The following SNRPN variants were observed in gnomAD, a reference collection of about 807,000 sequenced individuals.
SNRPN encodes small nuclear ribonucleoprotein polypeptide N.
In SNRPN, 7 loss-of-function variants were observed where a neutral mutation model predicts 25.2. The observed-to-expected ratio is 0.28, with a 90% CI of 0.16 to 0.52. The LOEUF (loss-of-function observed/expected upper bound fraction) is 0.52. Among genes scored for constraint, SNRPN ranks in the 20% least tolerant of loss-of-function variants. The pLI, the probability that SNRPN is intolerant of heterozygous loss-of-function variation, is 0.96. For missense variants in SNRPN, 196 were observed against 322.5 expected (o/e 0.61, Z 3.00); for synonymous variants, 124 against 110.6 (o/e 1.12, Z -0.76).
chr15:24,845,265 C>A (rs1000009692), intron 2 of SNRPN, among the ~76,000 whole-genome samples: 1 of 152,122 alleles, frequency 6.6e-6, no homozygotes, highest in Non-Finnish European at 1.5e-5. Context: ...TATCCTTACA[C>A]CAATACCACA....
At chr15:24,918,994 C>G (rs558167469) in intron 2 of SNRPN, among the ~76,000 whole-genome samples, 13 of 104,348 alleles carry the variant, frequency 1.2e-4, no homozygotes, top group East Asian at 2.7e-4. Context: ...TATATATGTG[C>G]GCATATATAT....
intron 2 of SNRPN, among the ~76,000 whole-genome samples, chr15:24,845,901 A>G (rs2052154798): frequency 1.3e-5 from 2 of 151,932 alleles, no homozygotes; most frequent in South Asian, 4.2e-4. Flanking sequence ...TGACCAAGGC[A>G]TGGTGAAACC....
chr15:24,895,734 G>C (rs1239593142), intron 2 of SNRPN, among the ~76,000 whole-genome samples: 1 of 152,120 alleles, frequency 6.6e-6, no homozygotes, highest in Non-Finnish European at 1.5e-5. Context: ...TCCCAGCCCT[G>C]TAGCAATTTA....
At chr15:24,832,842 AG>A (rs1276479716) in intron 2 of SNRPN, among the ~76,000 whole-genome samples, 2 of 151,966 alleles carry the variant, frequency 1.3e-5, no homozygotes, top group African/African-American at 4.8e-5. Flanking sequence ...GCGGTGGCTC[AG>A]GGCCTGTAAT....
upstream of SNRPN, among the ~76,000 whole-genome samples, chr15:24,952,964 A>G (rs894207899): frequency 2.0e-5 from 3 of 152,140 alleles, no homozygotes; most frequent in African/African-American, 7.2e-5. Context: ...AACAATGAGA[A>G]TAAAAAATGA....
At chr15:24,910,488 AATT>A (rs948937851) in intron 2 of SNRPN, among the ~76,000 whole-genome samples, 3 of 151,626 alleles carry the variant, frequency 2.0e-5, no homozygotes, top group Non-Finnish European at 2.9e-5. Flanking sequence ...AAAAAATGCT[AATT>A]ATTATTATTA....
chr15:24,830,108 CAT>C (rs2050396377), intron 2 of SNRPN, among the ~76,000 whole-genome samples: 1 of 152,054 alleles, frequency 6.6e-6, no homozygotes, highest in Non-Finnish European at 1.5e-5. Context: ...CAGAGCATAG[CAT>C]GTATTTTGAC....
chr15:24,854,953 G>A (rs1199735812), upstream of SNRPN, among the ~76,000 whole-genome samples: 2 of 151,546 alleles, frequency 1.3e-5, no homozygotes, highest in African/African-American at 4.8e-5. Context: ...GCAGCGAGCC[G>A]AGATTGTGCC....
At chr15:24,910,954 C>T (rs1009426348) in intron 2 of SNRPN, 28 of 870,974 alleles carry the variant, frequency 3.2e-5, no homozygotes, top group Non-Finnish European at 4.9e-5. Flanking sequence ...GTGCAGCAGC[C>T]AACACCCAAA....
chr15:24,883,243 A>T (rs1413601811), intron 1 of SNRPN, among the ~76,000 whole-genome samples: 2 of 152,262 alleles, frequency 1.3e-5, no homozygotes, highest in Non-Finnish European at 2.9e-5. Context: ...GGCCAAGCGT[A>T]TTCCTTGGAT....
At chr15:24,834,957 G>GTATATATATCTATATATAAAATAGATAGA (rs58935846) in intron 2 of SNRPN, among the ~76,000 whole-genome samples, 1 of 20,788 alleles carries the variant, frequency 4.8e-5, no homozygotes, top group Admixed American at 7.6e-4. Flanking sequence ...AATATATATA[G>GTATATATATCTATATATAAAATAGATAGA]TATATATAGT....
intron 3 of SNRPN, among the ~76,000 whole-genome samples, chr15:24,939,909 C>A (rs553073381): frequency 9.2e-5 from 14 of 152,082 alleles, no homozygotes; most frequent in African/African-American, 2.9e-4. Context: ...CTTGCTTCAG[C>A]CTCACAAGTA....
chr15:24,976,281 C>T (rs1385652851), intron 5 of SNRPN, 24 bp from the exon 6 acceptor site: 3 of 1,586,868 alleles, frequency 1.9e-6, no homozygotes. Flanking sequence ...ATTTATCTCA[C>T]TAAAATTTAA....
At chr15:24,883,009 A>G (rs984688614) in intron 1 of SNRPN, among the ~76,000 whole-genome samples, 3 of 152,126 alleles carry the variant, frequency 2.0e-5, no homozygotes, top group Non-Finnish European at 4.4e-5. Context: ...TATCTCATGT[A>G]ATTCATAAAA....
chr15:24,869,723 G>A (rs2148649168), intron 1 of SNRPN, among the ~76,000 whole-genome samples: 1 of 152,266 alleles, frequency 6.6e-6, no homozygotes, highest in Non-Finnish European at 1.5e-5. Flanking sequence ...ACCTGGACAA[G>A]TTAGCCTTTG....
chr15:24,959,774 A>G (rs2074470477), intron 1 of SNRPN, among the ~76,000 whole-genome samples: 1 of 152,182 alleles, frequency 6.6e-6, no homozygotes. Flanking sequence ...TTCATTCGTA[A>G]GTTGATGGAC....
At chr15:24,958,536 T>C (rs1487618121) in intron 1 of SNRPN, among the ~76,000 whole-genome samples, 2 of 136,396 alleles carry the variant, frequency 1.5e-5, no homozygotes, top group Non-Finnish European at 3.1e-5. Flanking sequence ...GACCAGGGTC[T>C]CCCTATGTTG....
chr15:24,957,581 C>T (rs928348315), intron 1 of SNRPN, among the ~76,000 whole-genome samples: 1 of 152,044 alleles, frequency 6.6e-6, no homozygotes, highest in African/African-American at 2.4e-5. Context: ...TACATTTTCC[C>T]TCTATCATAA....
chr15:24,954,175 T>C (rs924396425), upstream of SNRPN, among the ~76,000 whole-genome samples: 1 of 152,250 alleles, frequency 6.6e-6, no homozygotes, highest in African/African-American at 2.4e-5. Flanking sequence ...GATAGAATAT[T>C]ATGTCGTAAA....
Sources: gnomAD v4.1 joint callset for allele counts (sites outside exome capture counted in the v4.1 genomes callset) on GRCh38, gnomAD v4.1.1 for gene constraint, MANE v1.5 for transcripts, NCBI Gene and HGNC (gene_info 2026-07-23, HGNC 2026-07-21) for gene names.